Variants in SCFD2 observed in about 807,000 individuals in gnomAD.
SCFD2 encodes sec1 family domain containing 2.
Under a neutral mutation model 58.9 loss-of-function variants are expected in SCFD2, and 54 were observed. That is an observed-to-expected ratio of 0.92 (90% CI 0.74 to 1.15). The LOEUF (loss-of-function observed/expected upper bound fraction) is 1.15, where lower values mean the gene tolerates loss of function less well. SCFD2 is among the 50% of genes most tolerant of loss of function. SCFD2 has a pLI of 0.00. For synonymous variants in SCFD2, 321 were observed against 335.9 expected (o/e 0.96, Z 0.49); for missense variants, 805 against 836.6 (o/e 0.96, Z 0.47).
At chr4:52,897,776 A>T (rs779790753) in intron 7 of SCFD2, among the ~76,000 whole-genome samples, 1 of 152,140 alleles carries the variant, frequency 6.6e-6, no homozygotes, top group Non-Finnish European at 1.5e-5. Context: ...CTGCGAATCC[A>T]TCTGGTCCTG....
chr4:52,953,634 C>T (rs1222121798), intron 5 of SCFD2, among the ~76,000 whole-genome samples: 1 of 152,150 alleles, frequency 6.6e-6, no homozygotes, highest in African/African-American at 2.4e-5. Flanking sequence ...AGAAGATGAA[C>T]CTGAAACTGC....
intron 5 of SCFD2, chr4:52,956,303 A>G: frequency 2.2e-6 from 1 of 455,188 alleles, no homozygotes; most frequent in East Asian, 7.0e-5. Flanking sequence ...GAACCAGAGG[A>G]AAGCAAGGTG....
intron 5 of SCFD2, among the ~76,000 whole-genome samples, chr4:53,054,126 C>G (rs1490062571): frequency 1.3e-5 from 2 of 152,128 alleles, no homozygotes; most frequent in Non-Finnish European, 2.9e-5. Context: ...AACCACCCAT[C>G]TAGTCCCTGT....
At chr4:52,888,708 G>T (rs1718809790) in intron 7 of SCFD2, among the ~76,000 whole-genome samples, 2 of 152,204 alleles carry the variant, frequency 1.3e-5, no homozygotes, top group Middle Eastern at 3.4e-3. Context: ...TTCTTAATAG[G>T]TTCCCTTTCT....
chr4:53,266,289 C>T (rs1730981397), intron 4 of SCFD2, among the ~76,000 whole-genome samples: 1 of 152,178 alleles, frequency 6.6e-6, no homozygotes, highest in Admixed American at 6.5e-5. Context: ...TTTGACCCAG[C>T]TGAAAGAATA....
chr4:53,087,598 G>A lies in SCFD2; in HGVS notation c.1561+57735C>T, dbSNP rs181459513. 2.6e-4 allele frequency among the ~76,000 whole-genome samples: 40 copies of A among 151,844 alleles called. No homozygotes were observed. In the East Asian group the frequency reaches 7.4e-3, roughly 28 times the overall value. ...TCTGCCTGCCTTGGCTTCCCAAAGT[G>A]CTGGGATTACAGGCGTGAGCCACTG... On this transcript the variant is annotated intron_variant, in intron 5 of 8. Transcript: ENST00000401642.
intron 5 of SCFD2, among the ~76,000 whole-genome samples, chr4:53,099,414 G>A (rs187123978): frequency 1.3e-5 from 2 of 152,250 alleles, no homozygotes; most frequent in East Asian, 3.9e-4. Flanking sequence ...AATCTTTTGA[G>A]GGCATCTTAG....
intron 5 of SCFD2, among the ~76,000 whole-genome samples, chr4:52,997,932 C>T (rs1456470682): frequency 6.6e-6 from 1 of 152,198 alleles, no homozygotes; most frequent in Non-Finnish European, 1.5e-5. Context: ...GACTACTAAT[C>T]AAGAGTAGTA....
At chr4:53,152,165 G>A (rs1726529190) in intron 4 of SCFD2, among the ~76,000 whole-genome samples, 2 of 152,102 alleles carry the variant, frequency 1.3e-5, no homozygotes, top group Admixed American at 6.5e-5. Flanking sequence ...GCAGTAAAAG[G>A]TAAATCCAGT....
In SCFD2 at chr4:53,246,268, C is replaced by T. The variant is rs1730068353; in HGVS notation, c.1311+27558G>A. ...CAGCATTGTCAAAATGGGTATACTG[C>T]CCAAAGCAATGTACAGATTCAATGC... On this transcript the variant is annotated intron_variant, in intron 4 of 8. Transcript: ENST00000401642. 2.0e-5 allele frequency among the ~76,000 whole-genome samples: 3 copies of T among 152,120 alleles called. No homozygotes were observed. The South Asian group carries it at 6.2e-4, about 32-fold the overall frequency.
chr4:53,229,782 A>G (rs979192170), intron 4 of SCFD2, among the ~76,000 whole-genome samples: 7 of 152,226 alleles, frequency 4.6e-5, no homozygotes, highest in African/African-American at 1.4e-4. Flanking sequence ...GGATCTCATT[A>G]AACTAAAGAG....
intron 4 of SCFD2, among the ~76,000 whole-genome samples, chr4:53,207,333 T>C (rs1408438441): frequency 6.9e-6 from 1 of 145,688 alleles, no homozygotes. Context: ...AAAAGGATGA[T>C]GGCAAGAGGG....
At position 53,352,642 on chromosome 4, in the gene SCFD2, C is replaced by T. The variant is rs771877743; in HGVS notation, c.963G>A (p.Glu321=). ...MIALTALHTE[E]ENYNVVAPGC... Reference sequence around the variant, plus strand: ...CTGGTGCAACCACATTATAATTTTCCTCCTCAGTATGGAGTGCAGTGAGCG... The same window carrying T: ...CTGGTGCAACCACATTATAATTTTCTTCCTCAGTATGGAGTGCAGTGAGCG... The change falls in exon 2 of 9, where the codon GAG becomes GAA. Residue 321 remains glutamate (E), a synonymous_variant. Coordinates refer to ENST00000401642, the MANE Select transcript of SCFD2 (RefSeq NM_152540.4). The T allele has an allele frequency of 2.0e-5, 33 of 1,613,646 alleles. No homozygotes were observed. The highest frequency in any genetic ancestry group is 2.5e-5 in the Non-Finnish European group (30 of 1,179,800).
At chr4:52,890,189 G>T (rs962231758) in intron 7 of SCFD2, among the ~76,000 whole-genome samples, 1 of 152,142 alleles carries the variant, frequency 6.6e-6, no homozygotes, top group Non-Finnish European at 1.5e-5. Context: ...CTTGAACGTG[G>T]TGCAATATGT....
chr4:53,293,134 T>G (rs1419325647), intron 3 of SCFD2, among the ~76,000 whole-genome samples: 1 of 152,040 alleles, frequency 6.6e-6, no homozygotes, highest in Non-Finnish European at 1.5e-5. Context: ...TAAAAAGGAA[T>G]GAGATCATGT....
intron 5 of SCFD2, among the ~76,000 whole-genome samples, chr4:53,008,057 C>G (rs1334535279): frequency 6.6e-6 from 1 of 152,138 alleles, no homozygotes; most frequent in Non-Finnish European, 1.5e-5. Flanking sequence ...CTCACTCAAA[C>G]TAGGTAATTT....
At chr4:53,290,494 T>C (rs1005819805) in intron 3 of SCFD2, among the ~76,000 whole-genome samples, 14 of 152,084 alleles carry the variant, frequency 9.2e-5, no homozygotes, top group Admixed American at 9.2e-4. Flanking sequence ...GGAGAGTTTA[T>C]AGCAATAAAT....
chr4:53,183,941 T>C (rs1193510025), intron 4 of SCFD2, among the ~76,000 whole-genome samples: 1 of 152,142 alleles, frequency 6.6e-6, no homozygotes, highest in Non-Finnish European at 1.5e-5. Flanking sequence ...AGCAAGCACA[T>C]ACAACAGTTA....
At chr4:52,875,993 T>A (rs891058016) in intron 8 of SCFD2, among the ~76,000 whole-genome samples, 6 of 151,630 alleles carry the variant, frequency 4.0e-5, no homozygotes, top group African/African-American at 1.5e-4. Flanking sequence ...TCTGCATGCA[T>A]GATTTAGACA....
Sources: allele counts gnomAD v4.1 joint callset (sites outside exome capture counted in the v4.1 genomes callset), GRCh38; gene constraint gnomAD v4.1.1; transcripts MANE v1.5; gene names NCBI Gene and HGNC (gene_info 2026-07-23, HGNC 2026-07-21).